Variants in GRIP1 observed in about 807,000 individuals in gnomAD.
The protein encoded by GRIP1 is glutamate receptor-interacting protein 1.
A neutral mutation model predicts 129.9 loss-of-function variants in GRIP1; 45 were observed. The ratio of observed to expected loss-of-function variants is 0.35; its 90% CI spans 0.27 to 0.44. The LOEUF (loss-of-function observed/expected upper bound fraction) is 0.44, where lower values mean the gene tolerates loss of function less well. Among genes scored for constraint, GRIP1 ranks in the 20% least tolerant of loss-of-function variants. The probability of loss-of-function intolerance (pLI) is 1.00; values close to 1 mark genes in which losing one functional copy is unlikely to be tolerated. For missense variants in GRIP1, 1,196 were observed against 1,396.8 expected, an observed-to-expected ratio of 0.86 and a Z score of 2.29; for synonymous variants, 530 against 520.8, an observed-to-expected ratio of 1.02 and a Z score of -0.24.
rs367909030 is a variant in GRIP1, at chr12:66,775,803, A to G, written c.-420+28250T>C. On this transcript the variant is annotated intron_variant, in intron 1 of 4. Coordinates refer to the GRIP1 transcript ENST00000538373. ...GTGCAGAAAATTGATATTCTGTGAT[A>G]TACTGATAGGTGTTACTAGGGGGAA... 2.0e-3 allele frequency among the ~76,000 whole-genome samples: 305 copies of G among 152,320 alleles called. 3 individuals carry two copies. The highest frequency in any genetic ancestry group is 6.6e-3 in the African/African-American group (276 of 41,574).
intron 1 of GRIP1, among the ~76,000 whole-genome samples, chr12:66,603,403 C>T (rs1199784395): frequency 4.6e-5 from 7 of 152,196 alleles, no homozygotes; most frequent in African/African-American, 1.7e-4. Flanking sequence ...CTAACTCTTG[C>T]TTCTCAAAAT....
intron 1 of GRIP1, among the ~76,000 whole-genome samples, chr12:67,011,907 C>G (rs888910090): frequency 1.3e-5 from 2 of 152,128 alleles, no homozygotes; most frequent in African/African-American, 4.8e-5. Flanking sequence ...AAAGAACAGG[C>G]CTTGCTGTGT....
intron 1 of GRIP1, among the ~76,000 whole-genome samples, chr12:66,809,882 C>T (rs116326978): frequency 0.044 from 6,615 of 152,012 alleles, 467 homozygotes; most frequent in African/African-American, 0.15. Context: ...TCTTGAACTC[C>T]GGAGCTCCAG....
chr12:66,858,648 A>C (rs529028683), intron 1 of GRIP1, among the ~76,000 whole-genome samples: 11 of 152,124 alleles, frequency 7.2e-5, no homozygotes, highest in African/African-American at 2.6e-4. Context: ...CAATAATCCA[A>C]CAGAATTTAT....
At chr12:66,481,342 A>G (rs2059800101) in intron 7 of GRIP1, among the ~76,000 whole-genome samples, 1 of 152,180 alleles carries the variant, frequency 6.6e-6, no homozygotes, top group Non-Finnish European at 1.5e-5. Flanking sequence ...CAAACATCTG[A>G]AAAAAAGCTC....
At chr12:66,737,703 G>A (rs1375619811) in intron 1 of GRIP1, among the ~76,000 whole-genome samples, 1 of 152,012 alleles carries the variant, frequency 6.6e-6, no homozygotes, top group Non-Finnish European at 1.5e-5. Flanking sequence ...TCACTTCACT[G>A]TATCTTGCAC....
At chr12:66,531,488 C>T (rs532504412) in intron 4 of GRIP1, among the ~76,000 whole-genome samples, 36 of 151,920 alleles carry the variant, frequency 2.4e-4, no homozygotes, top group African/African-American at 7.7e-4. Flanking sequence ...GAAAAGTACA[C>T]ATTTAAATTC....
At chr12:66,631,528 A>G (rs1178620516) in intron 1 of GRIP1, among the ~76,000 whole-genome samples, 1 of 152,230 alleles carries the variant, frequency 6.6e-6, no homozygotes, top group Non-Finnish European at 1.5e-5. Context: ...TAGCACTACT[A>G]AAGTCATATA....
chr12:66,806,750 A>C (rs1174640572), upstream of GRIP1, among the ~76,000 whole-genome samples: 1 of 152,152 alleles, frequency 6.6e-6, no homozygotes, highest in African/African-American at 2.4e-5. Flanking sequence ...AATTATCTAC[A>C]TACCAAACTC....
chr12:66,960,858 G>A (rs1020867664), intron 1 of GRIP1, among the ~76,000 whole-genome samples: 4 of 152,054 alleles, frequency 2.6e-5, no homozygotes, highest in South Asian at 2.1e-4. Context: ...AATGAAACGC[G>A]AGCTTTTAGG....
chr12:66,673,286 G>T (rs1316808294), intron 1 of GRIP1, among the ~76,000 whole-genome samples: 4 of 152,120 alleles, frequency 2.6e-5, no homozygotes, highest in Non-Finnish European at 5.9e-5. Flanking sequence ...ATAGTACCTG[G>T]CAGAAAGTAA....
At chr12:67,024,428 G>T (rs1031079858) in intron 1 of GRIP1, among the ~76,000 whole-genome samples, 3 of 152,060 alleles carry the variant, frequency 2.0e-5, no homozygotes, top group Non-Finnish European at 4.4e-5. Context: ...TTAAATCAGA[G>T]CAATGAAAGA....
chr12:66,536,177 T>C (rs2061598589), intron 4 of GRIP1, among the ~76,000 whole-genome samples: 1 of 152,152 alleles, frequency 6.6e-6, no homozygotes, highest in Non-Finnish European at 1.5e-5. Flanking sequence ...TCCACTGCCA[T>C]CTCTCACATG....
intron 1 of GRIP1, among the ~76,000 whole-genome samples, chr12:67,048,294 T>C (rs997580376): frequency 1.3e-5 from 2 of 152,146 alleles, no homozygotes; most frequent in Non-Finnish European, 2.9e-5. Context: ...ACATATACAT[T>C]GTAGAAACAT....
In GRIP1 at chr12:66,744,657, C is replaced by T. The variant is rs78327200; in HGVS notation, c.-420+59396G>A. Among the ~76,000 whole-genome samples the T allele has an allele frequency of 7.3e-3, 1,114 of 152,236 alleles. 12 individuals carry two copies. Among genetic ancestry groups the T allele is most frequent in the African/African-American group, 0.026 (1,066 of 41,550 alleles). On this transcript the variant is annotated intron_variant, in intron 1 of 4. Transcript: ENST00000538373. ...TGGTTCTCCTAGAGGCCTGGCCCAT[C>T]AGCCCATATATCTCCTGTCTTTGCA...
At chr12:66,623,768 AT>A (rs1408089014) in intron 1 of GRIP1, among the ~76,000 whole-genome samples, 1 of 152,120 alleles carries the variant, frequency 6.6e-6, no homozygotes, top group Non-Finnish European at 1.5e-5. Context: ...GATTAAAGAC[AT>A]TTCCTATTTG....
intron 1 of GRIP1, among the ~76,000 whole-genome samples, chr12:66,973,271 A>AC (rs11418152): frequency 3.8e-4 from 57 of 150,352 alleles, no homozygotes; most frequent in Non-Finnish European, 6.8e-4. Context: ...AACAAAAAAA[A>AC]CCCACATTAT....
chr12:66,600,020 G>C lies in GRIP1; in HGVS notation c.56-3093C>G, dbSNP rs533699595. Among the ~76,000 whole-genome samples the C allele has an allele frequency of 2.3e-4, 35 of 152,286 alleles. 1 individual carries two copies. Among genetic ancestry groups the C allele is most frequent in the African/African-American group, 8.2e-4 (34 of 41,564 alleles). On this transcript the variant is annotated intron_variant, in intron 1 of 24. Transcript: ENST00000359742. ...GGCACACTGTACCAGCAGAGACCTT[G>C]TATGGTGTAAGTTAATTGCTACAGT...
At chr12:66,359,517 A>C (rs1191648273) in intron 23 of GRIP1, among the ~76,000 whole-genome samples, 1 of 152,220 alleles carries the variant, frequency 6.6e-6, no homozygotes, top group Non-Finnish European at 1.5e-5. Flanking sequence ...GGGTTAGCAG[A>C]GTAGCTCATT....
Sources: allele counts gnomAD v4.1 joint callset (sites outside exome capture counted in the v4.1 genomes callset), GRCh38; gene constraint gnomAD v4.1.1; transcripts MANE v1.5; gene names NCBI Gene and HGNC (gene_info 2026-07-23, HGNC 2026-07-21).